Variants in TAF1B observed in about 807,000 individuals in gnomAD.
The protein encoded by TAF1B is TATA-box binding protein associated factor, RNA polymerase I subunit B.
TAF1B carries 61 observed loss-of-function variants against 83.9 expected under a neutral mutation model. That is an observed-to-expected ratio of 0.73 (90% CI 0.59 to 0.90). The LOEUF is 0.90. TAF1B is among the 40% of genes least tolerant of loss of function. TAF1B has a pLI of 0.00. For missense variants in TAF1B, 625 were observed against 677.0 expected, an observed-to-expected ratio of 0.92 and a Z score of 0.85; for synonymous variants, 221 against 224.6, an observed-to-expected ratio of 0.98 and a Z score of 0.14.
chr2:9,918,053 C>G (rs560190714), intron 12 of TAF1B, among the ~76,000 whole-genome samples: 16 of 147,530 alleles, frequency 1.1e-4, no homozygotes, highest in Admixed American at 5.4e-4. Flanking sequence ...GCCTGGGCGA[C>G]AGAGCGAGAC....
At chr2:9,851,768 T>C in intron 4 of TAF1B, 130 bp downstream of exon 4, 1 of 769,238 alleles carries the variant, frequency 1.3e-6, no homozygotes, top group South Asian at 1.9e-5. Flanking sequence ...TCTGATGTTT[T>C]TGCTTTAATC....
intron 14 of TAF1B, among the ~76,000 whole-genome samples, chr2:9,932,830 G>C (rs540864546): frequency 6.6e-6 from 1 of 151,936 alleles, no homozygotes; most frequent in Non-Finnish European, 1.5e-5. Flanking sequence ...GGCTCTGCCC[G>C]GTTTGAGCTT....
At chr2:9,874,278 T>G (rs62127136) in intron 6 of TAF1B, among the ~76,000 whole-genome samples, 36,879 of 152,018 alleles carry the variant, frequency 0.24, 5,153 homozygotes, top group Non-Finnish European at 0.31. Flanking sequence ...CCAACATCCT[T>G]AAGACTTACT....
At chr2:9,848,651 A>G (rs567024368) in intron 2 of TAF1B, among the ~76,000 whole-genome samples, 3 of 149,990 alleles carry the variant, frequency 2.0e-5, no homozygotes, top group Non-Finnish European at 4.5e-5. Flanking sequence ...GGGCGACGAG[A>G]GCGAAACTCC....
chr2:9,843,497 A>C lies in TAF1B; in HGVS notation c.-45A>C. 9 of 1,518,628 alleles carry C rather than the reference A, an allele frequency of 5.9e-6. No homozygotes were observed. Among genetic ancestry groups the C allele is most frequent in the Middle Eastern group, 1.8e-4 (1 of 5,636 alleles). The allele number at this position is 1,518,628 out of a possible 1,614,324, so 94.1% of individuals were successfully genotyped here. A position where few individuals can be genotyped will look rare whatever the true frequency, so the allele number is the denominator to read the frequency against. On this transcript the variant is annotated 5_prime_UTR_variant, in exon 1 of 15. Transcript: ENST00000263663. ...GCCTTTCCCGGAAGCTGCGCTCGCT[A>C]CCCGGGTAACGGGTCCCGGCTGTGG...
intron 5 of TAF1B, among the ~76,000 whole-genome samples, chr2:9,856,453 A>G (rs1663570660): frequency 6.6e-6 from 1 of 152,232 alleles, no homozygotes; most frequent in Non-Finnish European, 1.5e-5. Context: ...ATGAAACATT[A>G]TACTGTCTTG....
At chr2:9,845,073 G>A (rs1318033070) in intron 1 of TAF1B, 147 bp from the exon 2 acceptor site, 4 of 476,018 alleles carry the variant, frequency 8.4e-6, no homozygotes, top group Non-Finnish European at 1.5e-5. Flanking sequence ...CCTTGTTTGC[G>A]GATAATCTCT....
intron 5 of TAF1B, among the ~76,000 whole-genome samples, chr2:9,861,389 G>A (rs1016553829): frequency 2.6e-5 from 4 of 152,226 alleles, no homozygotes; most frequent in Non-Finnish European, 5.9e-5. Context: ...AGGCAGCAGC[G>A]AGGCTGGGGA....
intron 5 of TAF1B, among the ~76,000 whole-genome samples, chr2:9,860,018 C>T (rs1663698502): frequency 6.6e-6 from 1 of 152,214 alleles, no homozygotes; most frequent in Admixed American, 6.5e-5. Context: ...TGAAGCAAGG[C>T]ATGTCTTCCA....
At position 9,892,366 on chromosome 2, in the gene TAF1B, C is replaced by T. The variant is rs78824966; in HGVS notation, c.807+9561C>T. Among the ~76,000 whole-genome samples the T allele has an allele frequency of 6.4e-3, 968 of 152,276 alleles. 8 individuals carry two copies. Among genetic ancestry groups the T allele is most frequent in the African/African-American group, 0.022 (897 of 41,538 alleles). On this transcript the variant is annotated intron_variant, in intron 8 of 14. Coordinates refer to ENST00000263663, the MANE Select transcript of TAF1B (RefSeq NM_005680.3). The stretch of plus-strand genomic sequence containing the variant: ...AGAAAGTATCTCTGTCATTCAGCTA[C>T]GCATGACTATACATTATTATTGACT...
At chr2:9,902,396 C>T (rs1476446965) in intron 8 of TAF1B, among the ~76,000 whole-genome samples, 2 of 152,168 alleles carry the variant, frequency 1.3e-5, no homozygotes, top group Non-Finnish European at 2.9e-5. Context: ...TGGGTGCTCC[C>T]TTCCAGTCAT....
chr2:9,849,433 C>A lies in TAF1B; in HGVS notation c.178C>A (p.Arg60=). The part of the protein sequence containing the change: ...IPNTQIKALN[R]GLKKKNNTEK... ...TAATACCCAAATAAAAGCCCTCAAC[C>A]GGGGGCTTAAAAAAAAAAACAATAC... is the stretch of plus-strand genomic sequence containing the variant. Residue 60 remains arginine (R), a synonymous_variant, in exon 3 of 15, where the codon CGG becomes AGG. Coordinates refer to ENST00000263663, the MANE Select transcript of TAF1B (RefSeq NM_005680.3). 1 of 1,579,322 alleles carries A rather than the reference C, an allele frequency of 6.3e-7. No individual in the cohort carries two copies. Among genetic ancestry groups the A allele is most frequent in the Admixed American group, 1.9e-5 (1 of 53,528 alleles).
intron 14 of TAF1B, among the ~76,000 whole-genome samples, chr2:9,928,437 A>G (rs10929622): frequency 0.18 from 26,657 of 151,904 alleles, 2,950 homozygotes; most frequent in East Asian, 0.3. Flanking sequence ...TGAATCTATA[A>G]ATTACCTTAA....
intron 4 of TAF1B, among the ~76,000 whole-genome samples, chr2:9,853,997 A>C (rs940513744): frequency 6.6e-6 from 1 of 152,158 alleles, no homozygotes; most frequent in African/African-American, 2.4e-5. Flanking sequence ...ATGATATTAT[A>C]ATTCTTTTTA....
chr2:9,933,057 G>A (rs1450962692), intron 14 of TAF1B, among the ~76,000 whole-genome samples: 1 of 152,228 alleles, frequency 6.6e-6, no homozygotes, highest in Non-Finnish European at 1.5e-5. Context: ...GGAGTGTCCC[G>A]ATTTTCCAGG....
At position 9,885,644 on chromosome 2, in the gene TAF1B, G is replaced by A. The variant is rs35466574; in HGVS notation, c.807+2839G>A. Among the ~76,000 whole-genome samples the A allele has an allele frequency of 3.9e-5, 6 of 151,954 alleles. No homozygotes were observed. In the South Asian group the frequency reaches 8.3e-4, roughly 21 times the overall value. On this transcript the variant is annotated intron_variant, in intron 8 of 14. Coordinates refer to ENST00000263663, the MANE Select transcript of TAF1B (RefSeq NM_005680.3). The stretch of plus-strand genomic sequence containing the variant: ...CACAGTTATTCAGTTTTCCTAGAGC[G>A]ACTAGTGGAACTAAGTTACTACTTT...
chr2:9,918,185 TTTAAAA>T (rs1558266779), intron 12 of TAF1B, among the ~76,000 whole-genome samples: 1 of 152,244 alleles, frequency 6.6e-6, no homozygotes, highest in Non-Finnish European at 1.5e-5. Context: ...AAGGTGGATT[TTTAAAA>T]TTATTATAAG....
chr2:9,852,356 G>A (rs1386810707), intron 4 of TAF1B, among the ~76,000 whole-genome samples: 5 of 152,198 alleles, frequency 3.3e-5, no homozygotes, highest in African/African-American at 4.8e-5. Flanking sequence ...TAAAAAGCCA[G>A]TTATTTAGCA....
At chr2:9,863,273 C>CA (rs1212760733) in intron 5 of TAF1B, among the ~76,000 whole-genome samples, 1 of 151,630 alleles carries the variant, frequency 6.6e-6, no homozygotes, top group Non-Finnish European at 1.5e-5. Flanking sequence ...AAATGGAAAG[C>CA]AAAAAAAGGC....
Sources: allele counts gnomAD v4.1 joint callset (sites outside exome capture counted in the v4.1 genomes callset), GRCh38; gene constraint gnomAD v4.1.1; transcripts MANE v1.5; gene names NCBI Gene and HGNC (gene_info 2026-07-23, HGNC 2026-07-21).